NFIA: variants seen among roughly 807,000 people sequenced by gnomAD.
NFIA encodes the protein nuclear factor I A.
A neutral mutation model predicts 62.8 loss-of-function variants in NFIA; 8 were observed. The observed-to-expected ratio is 0.13, with a 90% CI of 0.07 to 0.23. NFIA has a LOEUF of 0.23. NFIA is among the 10% of genes least tolerant of loss of function. NFIA has a pLI of 1.00. For missense variants in NFIA, 410 were observed against 642.1 expected, an observed-to-expected ratio of 0.64 and a Z score of 3.91; for synonymous variants, 235 against 238.1, an observed-to-expected ratio of 0.99 and a Z score of 0.12.
In NFIA at chr1:61,455,993, A is replaced by G. The variant is rs1668286340; in HGVS notation, c.*673A>G. ...ACAATTCCGAAAATGGCAAACTACT[A>G]CTACTACTGTTCAGTTTTTTAAAAG... is the stretch of plus-strand genomic sequence containing the variant. On this transcript the variant is annotated 3_prime_UTR_variant, in exon 11 of 11. Transcript: ENST00000403491. 6.6e-6 allele frequency: 1 copy of G among 152,660 alleles called. No homozygotes were observed. The highest frequency in any genetic ancestry group is 2.1e-4 in the South Asian group (1 of 4,836). The allele number at this position is 152,660 out of a possible 1,614,324, so 9.5% of individuals were successfully genotyped here.
At position 61,431,966 on chromosome 1, in the gene NFIA, A is replaced by AT. The variant is rs1459819862; in HGVS notation, c.1512+5411dup. 2.6e-5 allele frequency among the ~76,000 whole-genome samples: 4 copies of AT among 152,334 alleles called. No individual in the cohort carries two copies. The East Asian group carries it at 7.7e-4, about 29-fold the overall frequency. Reference sequence around the variant, plus strand: ...CCTCAACACCTACAAAGTACAGGGAATAAAAACTCTCCTCGAGTTGTTCAA... The same window carrying AT: ...CCTCAACACCTACAAAGTACAGGGAATTAAAAACTCTCCTCGAGTTGTTCAA... On this transcript the variant is annotated intron_variant, in intron 10 of 10. Transcript: ENST00000403491.
At chr1:61,209,504 TA>T (rs1322286189) in intron 2 of NFIA, among the ~76,000 whole-genome samples, 3 of 152,122 alleles carry the variant, frequency 2.0e-5, no homozygotes, top group Non-Finnish European at 4.4e-5. Flanking sequence ...TCTTTATTTT[TA>T]AAGTTTTTTA....
upstream of NFIA, chr1:61,077,704 G>A (rs867399708): frequency 1.0e-4 from 127 of 1,219,716 alleles, no homozygotes; most frequent in Middle Eastern, 1.0e-3. Flanking sequence ...GAATGATTTT[G>A]TTTAATGGCT....
chr1:61,411,129 T>C (rs1292178707), intron 9 of NFIA, among the ~76,000 whole-genome samples: 2 of 152,122 alleles, frequency 1.3e-5, no homozygotes, highest in African/African-American at 2.4e-5. Context: ...TATCTTCTTA[T>C]AATGAAATAC....
intron 2 of NFIA, among the ~76,000 whole-genome samples, chr1:61,134,549 T>A (rs1464563488): frequency 6.6e-6 from 1 of 152,206 alleles, no homozygotes; most frequent in Non-Finnish European, 1.5e-5. Context: ...CTATACAGGC[T>A]ATAACATATG....
intron 4 of NFIA, among the ~76,000 whole-genome samples, chr1:61,341,755 G>A (rs1661929971): frequency 6.6e-6 from 1 of 152,232 alleles, no homozygotes; most frequent in Admixed American, 6.5e-5. Context: ...CTGGATTACA[G>A]GCGTGAGCCA....
rs182591735 is a variant in NFIA at position 61,184,300 on chromosome 1, C to G, written c.560-93220C>G. ...TTACATGGCGGCTGTATTTACTCGG[C>G]CGCAGCCAATCAGCCGGCAGTGCCA... On this transcript the variant is annotated intron_variant, in intron 2 of 10. Coordinates refer to ENST00000403491, the MANE Select transcript of NFIA (RefSeq NM_001134673.4). Among the ~76,000 whole-genome samples the G allele has an allele frequency of 3.1e-3, 474 of 152,322 alleles. 5 individuals are homozygous for G. The South Asian group carries it at 0.032, about 10-fold the overall frequency.
At chr1:61,087,850 C>A (rs545557078) in intron 1 of NFIA, among the ~76,000 whole-genome samples, 2 of 152,300 alleles carry the variant, frequency 1.3e-5, no homozygotes, top group African/African-American at 4.8e-5. Flanking sequence ...CACTTACTAT[C>A]TAAAGGATGG....
chr1:61,231,648 A>G (rs1209207999), intron 2 of NFIA, among the ~76,000 whole-genome samples: 1 of 152,184 alleles, frequency 6.6e-6, no homozygotes, highest in Non-Finnish European at 1.5e-5. Context: ...ACCTGCTTAT[A>G]TAACAGCCAA....
intron 10 of NFIA, among the ~76,000 whole-genome samples, chr1:61,438,306 A>G (rs1225394844): frequency 6.6e-6 from 1 of 152,188 alleles, no homozygotes; most frequent in Admixed American, 6.5e-5. Context: ...AAAAGCCCTC[A>G]GCACCCTGCC....
chr1:61,142,297 A>G (rs976252037), intron 2 of NFIA, among the ~76,000 whole-genome samples: 1 of 152,216 alleles, frequency 6.6e-6, no homozygotes, highest in African/African-American at 2.4e-5. Context: ...TTAATCACCC[A>G]AGGGCTGTAA....
chr1:61,325,426 A>G (rs186937021), intron 3 of NFIA, among the ~76,000 whole-genome samples: 17 of 152,310 alleles, frequency 1.1e-4, no homozygotes, highest in Admixed American at 3.9e-4. Flanking sequence ...ATCATTTCTT[A>G]GGTTTCATTT....
intron 2 of NFIA, among the ~76,000 whole-genome samples, chr1:61,169,034 C>G (rs1649769804): frequency 6.6e-6 from 1 of 152,100 alleles, no homozygotes; most frequent in South Asian, 2.1e-4. Context: ...TTGTGGGAAG[C>G]CTAAATGCAT....
chr1:61,389,653 A>G (rs1664869351), intron 7 of NFIA, among the ~76,000 whole-genome samples: 1 of 152,044 alleles, frequency 6.6e-6, no homozygotes, highest in Non-Finnish European at 1.5e-5. Context: ...TTAAACAATT[A>G]CTTTGTTTTC....
At chr1:61,403,682 T>A (rs1022579960) in intron 7 of NFIA, among the ~76,000 whole-genome samples, 3 of 152,234 alleles carry the variant, frequency 2.0e-5, no homozygotes, top group African/African-American at 7.2e-5. Flanking sequence ...TAACAATGAA[T>A]TATTGTCTAT....
At chr1:61,389,800 A>G (rs1187918025) in intron 7 of NFIA, among the ~76,000 whole-genome samples, 1 of 151,740 alleles carries the variant, frequency 6.6e-6, no homozygotes, top group Non-Finnish European at 1.5e-5. Flanking sequence ...TTATTAGTCC[A>G]TAAGTCCTTG....
At chr1:61,097,107 A>G (rs1646430152) in intron 2 of NFIA, among the ~76,000 whole-genome samples, 1 of 152,204 alleles carries the variant, frequency 6.6e-6, no homozygotes, top group Non-Finnish European at 1.5e-5. Context: ...CAGTTATGCT[A>G]GAAAGGGAAA....
intron 2 of NFIA, among the ~76,000 whole-genome samples, chr1:61,094,634 G>A (rs1646380282): frequency 1.3e-5 from 2 of 152,124 alleles, no homozygotes; most frequent in Non-Finnish European, 1.5e-5. Flanking sequence ...TCAGAGTATT[G>A]TCAAATTTTT....
chr1:61,305,541 G>C (rs1197350427), intron 3 of NFIA, among the ~76,000 whole-genome samples: 3 of 152,176 alleles, frequency 2.0e-5, no homozygotes, highest in Non-Finnish European at 4.4e-5. Context: ...TATGAAATCT[G>C]ATACCCCCAT....
Sources: allele counts gnomAD v4.1 joint callset (sites outside exome capture counted in the v4.1 genomes callset), GRCh38; gene constraint gnomAD v4.1.1; transcripts MANE v1.5; gene names NCBI Gene and HGNC (gene_info 2026-07-23, HGNC 2026-07-21).